Variants in EGR4 observed in about 807,000 individuals in gnomAD.
EGR4 encodes the protein early growth response 4.
Under a neutral mutation model 25.4 loss-of-function variants are expected in EGR4, and 22 were observed. The ratio of observed to expected loss-of-function variants is 0.87; its 90% confidence interval spans 0.62 to 1.24. The LOEUF is 1.24. Among genes scored for constraint, EGR4 ranks in the 50% most tolerant of loss-of-function variants. EGR4 has a pLI of 0.00. For synonymous variants in EGR4, 375 were observed against 320.1 expected, an observed-to-expected ratio of 1.17 and a Z score of -1.83; for missense variants, 742 against 702.9, an observed-to-expected ratio of 1.06 and a Z score of -0.63.
At position 73,292,759 on chromosome 2, in the gene EGR4, A is replaced by T; in HGVS notation, c.159T>A (p.Ala53=). 3 of 1,456,878 alleles carry T rather than the reference A, an allele frequency of 2.1e-6. No homozygotes were observed. The highest frequency in any genetic ancestry group is 2.7e-6 in the Non-Finnish European group (3 of 1,102,202). The allele number at this position is 1,456,878 out of a possible 1,614,324, so 90.2% of individuals were successfully genotyped here. A position where few individuals can be genotyped will look rare whatever the true frequency, so the allele number is the denominator to read the frequency against. The change falls in exon 2 of 2, where the codon GCT becomes GCA. Residue 53 remains alanine (A), a synonymous_variant. Coordinates refer to ENST00000436467, the MANE Select transcript of EGR4 (RefSeq NM_001965.4). ...CCCCACTTGCGCCGCAGCTGTTCAAAGCCCAGCTCAAGAAGTCGCCTGCTG... is the reference window on the plus strand; with the variant it reads ...CCCCACTTGCGCCGCAGCTGTTCAATGCCCAGCTCAAGAAGTCGCCTGCTG... ...YPGAGDFLSW[A]LNSCGASGDL...
In EGR4 at chr2:73,292,168, C is replaced by G; in HGVS notation, c.750G>C (p.Ala250=). The change falls in exon 2 of 2, where the codon GCG becomes GCC. Residue 250 remains alanine (A), a synonymous_variant. Coordinates refer to ENST00000436467, the MANE Select transcript of EGR4 (RefSeq NM_001965.4). ...IEDLLSISCP[A]ELPAVPANRL... ...TGTTGGCTGGGACGGCCGGCAGTTCCGCAGGGCAGCTGATGGACAGCAAGT... is the reference window on the plus strand; with the variant it reads ...TGTTGGCTGGGACGGCCGGCAGTTCGGCAGGGCAGCTGATGGACAGCAAGT... 1 of 1,586,958 alleles carries G rather than the reference C, an allele frequency of 6.3e-7. No individual in the cohort carries two copies. The highest frequency in any genetic ancestry group is 8.6e-7 in the Non-Finnish European group (1 of 1,166,650).
Position 73,293,543 on chromosome 2 carries a change from G to T in EGR4, c.-226C>A, listed in dbSNP as rs776077634. 24 of 1,498,942 alleles carry T rather than the reference G, an allele frequency of 1.6e-5. No homozygotes were observed. The South Asian group carries it at 2.8e-4, about 18-fold the overall frequency. The allele number at this position is 1,498,942 out of a possible 1,614,324, so 92.9% of individuals were successfully genotyped here. The stretch of plus-strand genomic sequence containing the variant: ...CTCCTCGCCTCTCCAAAGCGCTGCC[G>T]GGCTCCCCCAGCCCACAGCCCCCCC... On this transcript the variant is annotated 5_prime_UTR_variant, in exon 1 of 2. Coordinates refer to ENST00000436467, the MANE Select transcript of EGR4 (RefSeq NM_001965.4).
Position 73,292,274 on chromosome 2 carries a change from GC to G in EGR4, c.643del (p.Ala215ProfsTer21). Reference protein sequence around the residue: ...YAPWELLSVGAPGNCGSQGDY... With the variant: ...YAPWELLSVGXPGNCGSQGDY... ...TCCCTGTGACCCACAGTTCCCTGGGGCCCCCACAGAAAGCAGCTCCCAGGGC... is the reference window on the plus strand; with the variant it reads ...TCCCTGTGACCCACAGTTCCCTGGGGCCCCACAGAAAGCAGCTCCCAGGGC... On this transcript the variant is annotated frameshift_variant, in exon 2 of 2. Transcript: ENST00000436467. LOFTEE classifies it high-confidence loss of function. 1 of 1,610,324 alleles carries G rather than the reference GC, an allele frequency of 6.2e-7. No homozygotes were observed. The highest frequency in any genetic ancestry group is 8.5e-7 in the Non-Finnish European group (1 of 1,177,690).
rs1268517320 is a variant in EGR4, at chr2:73,292,406, C to A, written c.512G>T (p.Cys171Phe). The A allele has an allele frequency of 2.0e-6, 3 of 1,509,886 alleles. No individual in the cohort carries two copies. The highest frequency in any genetic ancestry group is 1.8e-6 in the Non-Finnish European group (2 of 1,131,216). The allele number at this position is 1,509,886 out of a possible 1,614,324, so 93.5% of individuals were successfully genotyped here. ...ASPCAGAPSQ[C>F]LYEPQLSPPD... is the part of the protein sequence containing the mutation. ...CGGGGAGAGCTGAGGCTCATACAGGCACTGCGAGGGGGCACCCGCGCAAGG... is the reference window on the plus strand; with the variant it reads ...CGGGGAGAGCTGAGGCTCATACAGGAACTGCGAGGGGGCACCCGCGCAAGG... The change falls in exon 2 of 2, where the codon TGC becomes TTC. Residue 171 changes from cysteine (C) to phenylalanine (F), a missense_variant. Cys to Phe is a radical substitution (Grantham distance 205). Coordinates refer to ENST00000436467, the MANE Select transcript of EGR4 (RefSeq NM_001965.4).
At position 73,291,808 on chromosome 2, in the gene EGR4, G is replaced by T. The variant is rs1345150418; in HGVS notation, c.1110C>A (p.Cys370Ter). ...CCTTGGCGTGCGGCCGCGGGCAGAA[G>T]CAGCGCGTGCTGCATTTGCCGCCGC... ...GRRGGKCSTR[C>*]FCPRPHAKAF... The change falls in exon 2 of 2, where the codon TGC becomes TGA. Residue 370 changes from cysteine to a stop codon, truncating the protein, a stop_gained. Transcript: ENST00000436467. LOFTEE classifies it high-confidence loss of function. 6.3e-7 allele frequency: 1 copy of T among 1,593,882 alleles called. No individual in the cohort carries two copies. Among genetic ancestry groups the T allele is most frequent in the Non-Finnish European group, 8.5e-7 (1 of 1,175,106 alleles).
chr2:73,293,256 C>G lies in EGR4; in HGVS notation c.62G>C (p.Cys21Ser). ...DALLVKSTEG[C>S]CAEPSAELPR... ...CAATTCAGCGCTGGGTTCGGCGCAACAGCCTTCAGTGGACTTGACGAGGAG... is the reference window on the plus strand; with the variant it reads ...CAATTCAGCGCTGGGTTCGGCGCAAGAGCCTTCAGTGGACTTGACGAGGAG... The change falls in exon 1 of 2, where the codon TGT (cysteine) becomes TCT (serine). Residue 21 changes from cysteine (C) to serine (S), a missense_variant. By Grantham distance (112) the Cys-to-Ser change is moderately radical (BLOSUM62 -1). Coordinates refer to ENST00000436467, the MANE Select transcript of EGR4 (RefSeq NM_001965.4). 6.3e-7 allele frequency: 1 copy of G among 1,581,546 alleles called. No homozygotes were observed. Among genetic ancestry groups the G allele is most frequent in the Non-Finnish European group, 8.6e-7 (1 of 1,166,348 alleles).
rs1285943055 is a variant in EGR4, at chr2:73,293,270, C to G, written c.48G>C (p.Lys16Asn). The change falls in exon 1 of 2, where the codon AAG (lysine) becomes AAC (asparagine). Residue 16 changes from lysine (K) to asparagine (N), a missense_variant. By Grantham distance (94) the Lys-to-Asn change is moderately conservative (BLOSUM62 0). Coordinates refer to ENST00000436467, the MANE Select transcript of EGR4 (RefSeq NM_001965.4). The stretch of plus-strand genomic sequence containing the variant: ...GTTCGGCGCAACAGCCTTCAGTGGA[C>G]TTGACGAGGAGCGCGTCGGGTTCGG... ...EFSEPDALLV[K>N]STEGCCAEPS... 1.9e-6 allele frequency: 3 copies of G among 1,586,746 alleles called. No homozygotes were observed. Among genetic ancestry groups the G allele is most frequent in the Non-Finnish European group, 1.7e-6 (2 of 1,169,054 alleles).
chr2:73,292,433 G>A lies in EGR4; in HGVS notation c.485C>T (p.Ser162Leu). Residue 162 changes from serine to leucine, a missense_variant, in exon 2 of 2, where the codon TCG becomes TTG. By Grantham distance (145) the Ser-to-Leu change is moderately radical. Transcript: ENST00000436467. ...CTGCGAGGGGGCACCCGCGCAAGGC[G>A]AGGCCTCCCAGAACGCCTCTGGGAA... ...APFPEAFWEASPCAGAPSQCL... is the reference protein window; with the variant it reads ...APFPEAFWEALPCAGAPSQCL... The A allele has an allele frequency of 6.7e-7, 1 of 1,497,556 alleles. No individual in the cohort carries two copies. The highest frequency in any genetic ancestry group is 8.9e-7 in the Non-Finnish European group (1 of 1,124,718). 92.8% of individuals were successfully genotyped at this position (1,497,556 alleles called of 1,614,324 possible). A position where few individuals can be genotyped will look rare whatever the true frequency, so the allele number is the denominator to read the frequency against.
intron 1 of EGR4, 136 bp downstream of exon 1, chr2:73,293,045 GC>G: frequency 1.0e-6 from 1 of 974,696 alleles, no homozygotes; most frequent in South Asian, 3.2e-5. Flanking sequence ...GAATGGGGGT[GC>G]GCACCCCAGG....
Position 73,293,490 on chromosome 2 carries a change from GCTCGCCCGCACCGGCCTC to G in EGR4, c.-191_-174del. The G allele has an allele frequency of 6.9e-7, 1 of 1,456,158 alleles. No homozygotes were observed. Among genetic ancestry groups the G allele is most frequent in the Non-Finnish European group, 9.1e-7 (1 of 1,098,068 alleles). 90.2% of individuals were successfully genotyped at this position (1,456,158 alleles called of 1,614,324 possible). On this transcript the variant is annotated 5_prime_UTR_variant, in exon 1 of 2. Coordinates refer to ENST00000436467, the MANE Select transcript of EGR4 (RefSeq NM_001965.4). ...GGAGTCGGGGAGCCGCGGCGCCCTC[GCTCGCCCGCACCGGCCTC>G]GGGCGGCGGCTCCTCGCCTCTCCAA...
rs1005190122 is a variant in EGR4, at chr2:73,292,230, C to T, written c.688G>A (p.Glu230Lys). 1 of 1,605,278 alleles carries T rather than the reference C, an allele frequency of 6.2e-7. No individual in the cohort carries two copies. The highest frequency in any genetic ancestry group is 1.3e-5 in the African/African-American group (1 of 74,856). The change falls in exon 2 of 2, where the codon GAG becomes AAG. Residue 230 changes from glutamate to lysine, a missense_variant. By Grantham distance (56) the Glu-to-Lys change is moderately conservative. Coordinates refer to ENST00000436467, the MANE Select transcript of EGR4 (RefSeq NM_001965.4). ...GTCCCTATTACGGGAAAACGAGCCT[C>T]CGGGGCGGCCTGGTAGTCTCCCTGT... ...GSQGDYQAAP[E>K]ARFPVIGTKI...
chr2:73,293,089 A>G, intron 1 of EGR4, 93 bp downstream of exon 1: 1 of 1,246,532 alleles, frequency 8.0e-7, no homozygotes, highest in Non-Finnish European at 1.1e-6. Context: ...CTATTCTCAT[A>G]GCTCCAATGT....
rs1689127333 is a variant in EGR4 at position 73,292,356 on chromosome 2, C to T, written c.562G>A (p.Ala188Thr). The T allele has an allele frequency of 1.9e-6, 3 of 1,561,586 alleles. No homozygotes were observed. Among genetic ancestry groups the T allele is most frequent in the Non-Finnish European group, 2.6e-6 (3 of 1,154,830 alleles). ...SPPDVKPGLR[A>T]PPASPALDAV... Reference sequence around the variant, plus strand: ...TCCAGCGCTGGCGAGGCGGGAGGCGCCCGGAGGCCGGGCTTGACGTCGGGC... The same window carrying T: ...TCCAGCGCTGGCGAGGCGGGAGGCGTCCGGAGGCCGGGCTTGACGTCGGGC... The change falls in exon 2 of 2, where the codon GCG (alanine) becomes ACG (threonine). Residue 188 changes from alanine to threonine, a missense_variant. By Grantham distance (58) the Ala-to-Thr change is moderately conservative. Transcript: ENST00000436467.
At position 73,291,463 on chromosome 2, in the gene EGR4, A is replaced by G; in HGVS notation, c.1455T>C (p.Ser485=). The part of the protein sequence containing the change: ...GFYSLGLSFA[S]L ...CCATAAACCCATCTCTTGCTCAGAGAGAAGCGAAGGAGAGGCCCAGCGAGT... is the reference window on the plus strand; with the variant it reads ...CCATAAACCCATCTCTTGCTCAGAGGGAAGCGAAGGAGAGGCCCAGCGAGT... Residue 485 remains serine (S), a synonymous_variant, in exon 2 of 2, where the codon TCT becomes TCC. Transcript: ENST00000436467. The G allele has an allele frequency of 1.9e-6, 3 of 1,599,390 alleles. No homozygotes were observed. Among genetic ancestry groups the G allele is most frequent in the Non-Finnish European group, 2.6e-6 (3 of 1,171,950 alleles).
chr2:73,293,295 G>T lies in EGR4; in HGVS notation c.23C>A (p.Ser8Tyr), dbSNP rs1376002492. 35 of 1,589,598 alleles carry T rather than the reference G, an allele frequency of 2.2e-5. 1 individual carries two copies. In the Admixed American group the frequency reaches 6.3e-4, roughly 29 times the overall value. The change falls in exon 1 of 2, where the codon TCC becomes TAC. Residue 8 changes from serine to tyrosine, a missense_variant. By Grantham distance (144) the Ser-to-Tyr change is moderately radical. Coordinates refer to ENST00000436467, the MANE Select transcript of EGR4 (RefSeq NM_001965.4). ...CTTGACGAGGAGCGCGTCGGGTTCGGAAAACTCGCTAAGGTGGAGCATGGC... is the reference window on the plus strand; with the variant it reads ...CTTGACGAGGAGCGCGTCGGGTTCGTAAAACTCGCTAAGGTGGAGCATGGC... The part of the protein sequence containing the change: MLHLSEF[S>Y]EPDALLVKST...
Position 73,291,339 on chromosome 2 carries a change from G to A in EGR4, c.*118C>T. 8 of 1,419,518 alleles carry A rather than the reference G, an allele frequency of 5.6e-6. No individual in the cohort carries two copies. Among genetic ancestry groups the A allele is most frequent in the Non-Finnish European group, 7.5e-6 (8 of 1,061,012 alleles). The allele number at this position is 1,419,518 out of a possible 1,614,324, so 87.9% of individuals were successfully genotyped here. ...GGCGCTTCAAGGAAACTGGAAGCGG[G>A]ACCGGAGGCCGGCCCTCGGGCGTGC... On this transcript the variant is annotated 3_prime_UTR_variant, in exon 2 of 2. Transcript: ENST00000436467.
At chr2:73,293,058 C>G (rs1376112691) in intron 1 of EGR4, 124 bp downstream of exon 1, 1 of 1,080,158 alleles carries the variant, frequency 9.3e-7, no homozygotes, top group East Asian at 3.1e-5. Context: ...CACCCCAGGA[C>G]TCCTAAGCTT....
In EGR4 at chr2:73,292,575, G is replaced by T; in HGVS notation, c.343C>A (p.Pro115Thr). The T allele has an allele frequency of 6.6e-7, 1 of 1,509,610 alleles. No individual in the cohort carries two copies. The allele number at this position is 1,509,610 out of a possible 1,614,324, so 93.5% of individuals were successfully genotyped here. A position where few individuals can be genotyped will look rare whatever the true frequency, so the allele number is the denominator to read the frequency against. Residue 115 changes from proline (P) to threonine (T), a missense_variant, in exon 2 of 2, where the codon CCC becomes ACC. Coordinates refer to ENST00000436467, the MANE Select transcript of EGR4 (RefSeq NM_001965.4). ...MSGILGLAPF[P>T]GPEAAASRSP... ...CTGGACGCTGCTGCCTCTGGACCGG[G>T]GAAGGGTGCCAGGCCTAAGATGCCC...
rs771943471 is a variant in EGR4 at position 73,293,359 on chromosome 2, G to T, written c.-42C>A. 1.7e-5 allele frequency: 26 copies of T among 1,510,188 alleles called. No individual in the cohort carries two copies. The Admixed American group carries it at 6.3e-4, about 36-fold the overall frequency. 93.5% of individuals were successfully genotyped at this position (1,510,188 alleles called of 1,614,324 possible). A position where few individuals can be genotyped will look rare whatever the true frequency, so the allele number is the denominator to read the frequency against. ...TGGGGCGCCCGGGGCCTCGCCCGCT[G>T]GGCTTGGGGGCGCGCGGGTGGCGGG... On this transcript the variant is annotated 5_prime_UTR_variant, in exon 1 of 2. Coordinates refer to ENST00000436467, the MANE Select transcript of EGR4 (RefSeq NM_001965.4).
Sources: gnomAD v4.1 joint callset for allele counts on GRCh38, gnomAD v4.1.1 for gene constraint, MANE v1.5 for transcripts, NCBI Gene and HGNC (gene_info 2026-07-23, HGNC 2026-07-21) for gene names.